Variants in CENPC observed in about 807,000 individuals in gnomAD.
CENPC encodes centromere protein C.
Under a neutral mutation model 112.1 loss-of-function variants are expected in CENPC, and 63 were observed. The ratio of observed to expected loss-of-function variants is 0.56; its 90% confidence interval spans 0.46 to 0.69. CENPC has a LOEUF of 0.69. Ranked by LOEUF, CENPC falls within the 30% of genes least tolerant of loss-of-function variation. The pLI, the probability that CENPC is intolerant of heterozygous loss-of-function variation, is 0.00. For synonymous variants in CENPC, 333 were observed against 367.6 expected (o/e 0.91, Z 1.08); for missense variants, 1,000 against 1,103.8 (o/e 0.91, Z 1.33).
At chr4:67,489,673 C>G (rs1725186251) in intron 17 of CENPC, among the ~76,000 whole-genome samples, 1 of 152,098 alleles carries the variant, frequency 6.6e-6, no homozygotes, top group Admixed American at 6.6e-5. Flanking sequence ...TATAATCCCC[C>G]CCAGCACTAA....
rs769906835 is a variant in CENPC at position 67,514,242 on chromosome 4, T to C, written c.1276A>G (p.Met426Val). 59 of 1,612,792 alleles carry C rather than the reference T, an allele frequency of 3.7e-5. No homozygotes were observed. The East Asian group carries it at 1.2e-3, about 34-fold the overall frequency. The change falls in exon 8 of 19, where the codon ATG (methionine) becomes GTG (valine). Residue 426 changes from methionine to valine, a missense_variant. Physicochemically the swap from Met to Val is conservative, Grantham distance 21. Transcript: ENST00000273853. The stretch of plus-strand genomic sequence containing the variant: ...AGCTGTTCTTCAGCTGGTTTAGCCA[T>C]GAATTTTCTTCTCTGTTTTTGTTTT... ...TIKQKQRRKFMAKPAEEQLDV... is the reference protein window; with the variant it reads ...TIKQKQRRKFVAKPAEEQLDV...
At chr4:67,524,129 GAT>G (rs1726306489) in intron 5 of CENPC, among the ~76,000 whole-genome samples, 1 of 151,882 alleles carries the variant, frequency 6.6e-6, no homozygotes. Flanking sequence ...ACTACAAAAT[GAT>G]AAACCTCTAT....
At chr4:67,492,379 C>T (rs1468908949) in intron 15 of CENPC, 104 bp from the exon 16 acceptor site, 2 of 614,392 alleles carry the variant, frequency 3.3e-6, no homozygotes, top group East Asian at 6.1e-5. Flanking sequence ...ATAAAACTGT[C>T]AAACGCAAAG....
At chr4:67,486,966 A>G (rs168538) in intron 17 of CENPC, among the ~76,000 whole-genome samples, 139,248 of 143,988 alleles carry the variant, frequency 0.97, 67,509 homozygotes, top group East Asian at 1. Context: ...ATTTGCTTTT[A>G]GGTTTTTTTT....
intron 18 of CENPC, among the ~76,000 whole-genome samples, chr4:67,473,678 G>T (rs1363273862): frequency 2.0e-5 from 3 of 152,004 alleles, no homozygotes; most frequent in Non-Finnish European, 1.5e-5. Context: ...CCAGCCTCCC[G>T]AGAGCTAGGA....
Position 67,491,511 on chromosome 4 carries a change from A to AGAGGGAGG in CENPC, c.2515+668_2515+669insCCTCCCTC, listed in dbSNP as rs1553893236. On this transcript the variant is annotated intron_variant, in intron 16 of 18. Coordinates refer to ENST00000273853, the MANE Select transcript of CENPC (RefSeq NM_001812.4). Reference sequence around the variant, plus strand: ...GAGAGAGAGAGAGAGAGAGAGAGAGAGAGAGAGAGAGAGAGAGCCTGGTTG... The same window carrying AGAGGGAGG: ...GAGAGAGAGAGAGAGAGAGAGAGAGAGAGGGAGGGAGAGAGAGAGAGAGAGCCTGGTTG... Among the ~76,000 whole-genome samples, 9 of 114,566 alleles carry AGAGGGAGG rather than the reference A, an allele frequency of 7.9e-5. No individual in the cohort carries two copies. In the East Asian group the frequency reaches 5.1e-3, roughly 64 times the overall value. 75.2% of individuals were successfully genotyped at this position (114,566 alleles called of 152,430 possible).
chr4:67,507,275 T>C (rs1725762360), intron 10 of CENPC, among the ~76,000 whole-genome samples: 2 of 152,220 alleles, frequency 1.3e-5, no homozygotes, highest in East Asian at 1.9e-4. Flanking sequence ...CAACTAAAAT[T>C]GGCTTCTTTG....
At position 67,470,583 on chromosome 4, in the gene CENPC, A is replaced by AAAAAAAGAAAG. The variant is rs58690134; in HGVS notation, c.*2021_*2022insCTTTCTTTTTT. 9.9e-5 allele frequency: 11 copies of AAAAAAAGAAAG among 110,632 alleles called. No individual in the cohort carries two copies. The highest frequency in any genetic ancestry group is 2.9e-4 in the East Asian group (1 of 3,416). 6.9% of individuals were successfully genotyped at this position (110,632 alleles called of 1,614,324 possible). On this transcript the variant is annotated 3_prime_UTR_variant, in exon 19 of 19. Transcript: ENST00000273853. ...GTGAAACTCTGCCTCAAAAAAAAAA[A>AAAAAAAGAAAG]AAAAGAAAAGAAAAGAAAAAAGAAA... is the stretch of plus-strand genomic sequence containing the variant.
Position 67,545,490 on chromosome 4 carries a change from C to T in CENPC, c.-135G>A, listed in dbSNP as rs1727010801. On this transcript the variant is annotated 5_prime_UTR_variant, in exon 1 of 19. Coordinates refer to ENST00000273853, the MANE Select transcript of CENPC (RefSeq NM_001812.4). ...AGCAATAACCTTAAGTCTCAGGCGACTGCCGCGAGAGCTGCGATCCGGAAG... is the reference window on the plus strand; with the variant it reads ...AGCAATAACCTTAAGTCTCAGGCGATTGCCGCGAGAGCTGCGATCCGGAAG... 1 of 860,552 alleles carries T rather than the reference C, an allele frequency of 1.2e-6. No homozygotes were observed. Among genetic ancestry groups the T allele is most frequent in the South Asian group, 2.7e-5 (1 of 37,154 alleles). The allele number at this position is 860,552 out of a possible 1,614,324, so 53.3% of individuals were successfully genotyped here.
chr4:67,484,440 G>T (rs538648261), intron 17 of CENPC, among the ~76,000 whole-genome samples: 8 of 152,202 alleles, frequency 5.3e-5, no homozygotes, highest in African/African-American at 1.9e-4. Context: ...TTAGGAATGG[G>T]CTCACACAGC....
intron 12 of CENPC, among the ~76,000 whole-genome samples, chr4:67,497,223 C>T (rs1159263256): frequency 2.0e-5 from 3 of 151,552 alleles, no homozygotes; most frequent in African/African-American, 4.8e-5. Flanking sequence ...ACTAAAAACA[C>T]AAAAATTAGC....
chr4:67,545,341 A>T lies in CENPC; in HGVS notation c.15T>A (p.Gly5=), dbSNP rs1050740724. The T allele has an allele frequency of 2.6e-6, 4 of 1,521,360 alleles. No individual in the cohort carries two copies. The African/African-American group carries it at 5.6e-5, about 21-fold the overall frequency. The allele number at this position is 1,521,360 out of a possible 1,614,324, so 94.2% of individuals were successfully genotyped here. Residue 5 remains glycine (G), a synonymous_variant, in exon 1 of 19, where the codon GGT becomes GGA. Transcript: ENST00000273853. MAAS[G]LDHLKNGYRR... is the part of the protein sequence containing the mutation. ...GGAGCGGGGGGCCTGCACTTACCAG[A>T]CCGGACGCAGCCATGTTCCGGCCCC...
intron 8 of CENPC, among the ~76,000 whole-genome samples, chr4:67,513,133 T>C (rs1725943834): frequency 6.6e-6 from 1 of 151,958 alleles, no homozygotes; most frequent in South Asian, 2.1e-4. Flanking sequence ...AGGAGGACCA[T>C]GAGTCAAGGA....
intron 9 of CENPC, 102 bp from the exon 10 acceptor site, chr4:67,509,207 T>TACACACACACACACACACACAC (rs36207189): frequency 1.0e-5 from 5 of 486,020 alleles, no homozygotes; most frequent in African/African-American, 4.1e-5. Flanking sequence ...CATATACACA[T>TACACACACACACACACACACAC]ACACACACAC....
intron 4 of CENPC, among the ~76,000 whole-genome samples, chr4:67,531,639 C>A (rs140578868): frequency 6.6e-6 from 1 of 152,164 alleles, no homozygotes; most frequent in Admixed American, 6.5e-5. Flanking sequence ...CCAGTGAAAA[C>A]AGGCTGAGTT....
Position 67,514,230 on chromosome 4 carries a change from C to T in CENPC, c.1288G>A (p.Ala430Thr), listed in dbSNP as rs1725984148. The change falls in exon 8 of 19, where the codon GCT (alanine) becomes ACT (threonine). Residue 430 changes from alanine (A) to threonine (T), a missense_variant. By Grantham distance (58) the Ala-to-Thr change is moderately conservative (BLOSUM62 0). Coordinates refer to ENST00000273853, the MANE Select transcript of CENPC (RefSeq NM_001812.4). ...TGTCCCACATCAAGCTGTTCTTCAG[C>T]TGGTTTAGCCATGAATTTTCTTCTC... ...KQRRKFMAKP[A>T]EEQLDVGQSK... is the part of the protein sequence containing the mutation. The T allele has an allele frequency of 1.2e-6, 2 of 1,613,106 alleles. No individual in the cohort carries two copies. Among genetic ancestry groups the T allele is most frequent in the East Asian group, 2.2e-5 (1 of 44,818 alleles).
chr4:67,537,332 T>C (rs1363055533), intron 4 of CENPC, among the ~76,000 whole-genome samples: 11 of 152,176 alleles, frequency 7.2e-5, no homozygotes, highest in Admixed American at 7.2e-4. Context: ...ACACGCAATT[T>C]GTGTATTTTA....
At chr4:67,473,612 G>A (rs907860731) in intron 18 of CENPC, among the ~76,000 whole-genome samples, 1 of 151,898 alleles carries the variant, frequency 6.6e-6, no homozygotes, top group Non-Finnish European at 1.5e-5. Context: ...GAGTGCAGTA[G>A]TACAATCACA....
chr4:67,534,154 A>G (rs565926806), intron 4 of CENPC, among the ~76,000 whole-genome samples: 125 of 152,198 alleles, frequency 8.2e-4, no homozygotes, highest in Non-Finnish European at 1.2e-3. Flanking sequence ...AGTGGCTCAC[A>G]CCTGTAATCC....
Sources: allele counts gnomAD v4.1 joint callset (sites outside exome capture counted in the v4.1 genomes callset), GRCh38; gene constraint gnomAD v4.1.1; transcripts MANE v1.5; gene names NCBI Gene and HGNC (gene_info 2026-07-23, HGNC 2026-07-21).